Variants in GALNT2 observed in about 807,000 individuals in gnomAD.
GALNT2 encodes the protein polypeptide N-acetylgalactosaminyltransferase 2.
In GALNT2, 31 loss-of-function variants were observed where a neutral mutation model predicts 81.4. That is an observed-to-expected ratio of 0.38 (90% CI 0.29 to 0.51). The LOEUF (loss-of-function observed/expected upper bound fraction) is 0.51. GALNT2 is among the 20% of genes least tolerant of loss of function. GALNT2 has a pLI of 0.87. For synonymous variants in GALNT2, 303 were observed against 287.4 expected, an observed-to-expected ratio of 1.05 and a Z score of -0.55; for missense variants, 629 against 765.7, an observed-to-expected ratio of 0.82 and a Z score of 2.11.
intron 8 of GALNT2, among the ~76,000 whole-genome samples, chr1:230,248,744 C>G (rs909709531): frequency 1.3e-5 from 2 of 152,182 alleles, no homozygotes; most frequent in African/African-American, 4.8e-5. Context: ...ACTGACAAAG[C>G]CTCGTTCCCT....
intron 7 of GALNT2, among the ~76,000 whole-genome samples, chr1:230,244,230 A>G (rs1352138343): frequency 6.6e-6 from 1 of 152,012 alleles, no homozygotes; most frequent in African/African-American, 2.4e-5. Flanking sequence ...AATTATGAAG[A>G]TCATATTCAT....
chr1:230,212,168 C>A (rs1000411674), intron 3 of GALNT2, among the ~76,000 whole-genome samples: 1 of 152,134 alleles, frequency 6.6e-6, no homozygotes, highest in African/African-American at 2.4e-5. Flanking sequence ...TAACAGGGCT[C>A]ACTGGTGGAG....
At chr1:230,096,580 T>C (rs574853771) in intron 1 of GALNT2, among the ~76,000 whole-genome samples, 2 of 152,206 alleles carry the variant, frequency 1.3e-5, no homozygotes, top group Admixed American at 6.5e-5. Context: ...AAGTTTTTTT[T>C]TGTTGTTAAT....
chr1:230,175,623 T>TCCCCTCCTCCTCCTCCCCCTCCCTCC (rs1662953771), intron 1 of GALNT2, among the ~76,000 whole-genome samples: 1 of 90,522 alleles, frequency 1.1e-5, no homozygotes, highest in African/African-American at 4.9e-5. Context: ...CCCCTCCCTC[T>TCCCCTCCTCCTCCTCCCCCTCCCTCC]CCCCTCCTCC....
At chr1:230,071,203 T>C (rs1209386166) in intron 1 of GALNT2, among the ~76,000 whole-genome samples, 1 of 152,224 alleles carries the variant, frequency 6.6e-6, no homozygotes, top group African/African-American at 2.4e-5. Flanking sequence ...TAGTCGTCTT[T>C]CTTTTTTTTA....
chr1:230,196,784 T>A (rs529052540), intron 2 of GALNT2, among the ~76,000 whole-genome samples: 32 of 152,090 alleles, frequency 2.1e-4, no homozygotes, highest in Non-Finnish European at 4.3e-4. Context: ...TGGCCCTCAA[T>A]AGCCCTCTGG....
intron 1 of GALNT2, among the ~76,000 whole-genome samples, chr1:230,084,534 C>T (rs570497333): frequency 6.6e-6 from 1 of 152,238 alleles, no homozygotes; most frequent in African/African-American, 2.4e-5. Context: ...TCTGCCCTGG[C>T]ACTTCCTGTG....
chr1:230,131,829 A>G (rs117834203), intron 1 of GALNT2, among the ~76,000 whole-genome samples: 1 of 152,218 alleles, frequency 6.6e-6, no homozygotes, highest in Non-Finnish European at 1.5e-5. Context: ...ATAAATGCAG[A>G]ATGTTGGCAA....
intron 9 of GALNT2, among the ~76,000 whole-genome samples, chr1:230,250,100 G>A (rs893895298): frequency 3.9e-5 from 6 of 152,132 alleles, no homozygotes; most frequent in Non-Finnish European, 5.9e-5. Flanking sequence ...TGCAATCCTC[G>A]TAGCTACCCT....
At chr1:230,232,380 T>A (rs958295720) in intron 3 of GALNT2, among the ~76,000 whole-genome samples, 2 of 152,212 alleles carry the variant, frequency 1.3e-5, no homozygotes, top group Non-Finnish European at 2.9e-5. Context: ...CTGCGTGTTC[T>A]GAAAAACGTT....
At chr1:230,272,719 G>A (rs183775872) in intron 14 of GALNT2, among the ~76,000 whole-genome samples, 79 of 152,216 alleles carry the variant, frequency 5.2e-4, no homozygotes, top group African/African-American at 1.9e-3. Context: ...GTTGTATAAG[G>A]TCTGAATGCT....
chr1:230,180,493 C>A (rs1050039345), intron 2 of GALNT2, among the ~76,000 whole-genome samples: 1 of 151,986 alleles, frequency 6.6e-6, no homozygotes, highest in Non-Finnish European at 1.5e-5. Flanking sequence ...TTGCCACTAC[C>A]ACACTGCCTT....
chr1:230,183,397 T>G (rs1663220786), intron 2 of GALNT2, among the ~76,000 whole-genome samples: 2 of 152,216 alleles, frequency 1.3e-5, no homozygotes, highest in Non-Finnish European at 2.9e-5. Context: ...TTAATTGAGC[T>G]TTCTGTATGA....
At chr1:230,113,096 AGT>A (rs1660750307) in intron 1 of GALNT2, among the ~76,000 whole-genome samples, 2 of 152,058 alleles carry the variant, frequency 1.3e-5, no homozygotes, top group Non-Finnish European at 2.9e-5. Flanking sequence ...GGCCTGAGGA[AGT>A]GTCTTACCCC....
chr1:230,122,594 A>T (rs1185767901), intron 1 of GALNT2, among the ~76,000 whole-genome samples: 2 of 150,864 alleles, frequency 1.3e-5, no homozygotes, highest in East Asian at 3.9e-4. Flanking sequence ...ATCAGCGTGC[A>T]GGAATGCATA....
At position 230,275,706 on chromosome 1, in the gene GALNT2, C is replaced by CACATATATAT. The variant is rs1369955946; in HGVS notation, c.1560+1145_1560+1146insTATATATACA. On this transcript the variant is annotated intron_variant, in intron 15 of 15. Coordinates refer to ENST00000366672, the MANE Select transcript of GALNT2 (RefSeq NM_004481.5). This position sits in a 1 kb window ranked among gnomAD's most constrained non-coding sequence, Gnocchi z 5.5. ...CATATGTAAACACCACATATATATA[C>CACATATATAT]ACACCACATATACACACCACATATA... 6.7e-6 allele frequency among the ~76,000 whole-genome samples: 1 copy of CACATATATAT among 148,902 alleles called. No individual in the cohort carries two copies.
At position 230,136,317 on chromosome 1, in the gene GALNT2, G is replaced by A. The variant is rs371626292; in HGVS notation, c.127-41901G>A. Among the ~76,000 whole-genome samples the A allele has an allele frequency of 1.1e-4, 16 of 152,278 alleles. No individual in the cohort carries two copies. The East Asian group carries it at 1.2e-3, about 11-fold the overall frequency. On this transcript the variant is annotated intron_variant, in intron 1 of 15. Transcript: ENST00000366672. Reference sequence around the variant, plus strand: ...TCTGGTCTGACTGTCCCAGATCCCTGTCAGCACATGTCTGGCACCAGCCAT... The same window carrying A: ...TCTGGTCTGACTGTCCCAGATCCCTATCAGCACATGTCTGGCACCAGCCAT...
At chr1:230,215,357 A>G (rs1038097789) in intron 3 of GALNT2, among the ~76,000 whole-genome samples, 1 of 152,208 alleles carries the variant, frequency 6.6e-6, no homozygotes, top group South Asian at 2.1e-4. Context: ...GGATCAGAGA[A>G]TGTTGGCCTT....
intron 1 of GALNT2, among the ~76,000 whole-genome samples, chr1:230,105,779 C>CA (rs1173337726): frequency 3.3e-5 from 5 of 152,108 alleles, no homozygotes; most frequent in Non-Finnish European, 7.3e-5. Context: ...ATGATTATAT[C>CA]CATTATACAA....
Sources: allele counts gnomAD v4.1 joint callset (sites outside exome capture counted in the v4.1 genomes callset), GRCh38; gene constraint gnomAD v4.1.1; non-coding constraint Gnocchi (gnomAD v3.1); transcripts MANE v1.5; gene names NCBI Gene and HGNC (gene_info 2026-07-23, HGNC 2026-07-21).